The following PTPRM variants were observed in gnomAD, a reference collection of about 807,000 sequenced individuals.
PTPRM encodes the protein protein tyrosine phosphatase receptor type M.
A neutral mutation model predicts 186.7 loss-of-function variants in PTPRM; 47 were observed. The observed-to-expected ratio is 0.25, with a 90% CI of 0.20 to 0.32. The LOEUF is 0.32. PTPRM is among the 10% of genes least tolerant of loss of function. The probability of loss-of-function intolerance (pLI) is 1.00; values close to 1 mark genes in which losing one functional copy is unlikely to be tolerated. For synonymous variants in PTPRM, 668 were observed against 674.9 expected (o/e 0.99, Z 0.16); for missense variants, 1,494 against 1,865.0 (o/e 0.80, Z 3.66).
chr18:8,087,580 T>C (rs2090495483), intron 10 of PTPRM, among the ~76,000 whole-genome samples: 1 of 152,132 alleles, frequency 6.6e-6, no homozygotes, highest in Non-Finnish European at 1.5e-5. Flanking sequence ...AAGTATTTGA[T>C]TTTTATAGTC....
intron 7 of PTPRM, among the ~76,000 whole-genome samples, chr18:7,969,507 A>T (rs1257123552): frequency 6.7e-6 from 1 of 149,520 alleles, no homozygotes; most frequent in Non-Finnish European, 1.5e-5. Context: ...CAAAAAATCA[A>T]TGAATCCAGG....
At chr18:8,323,756 G>T (rs566289448) in intron 22 of PTPRM, among the ~76,000 whole-genome samples, 9 of 152,110 alleles carry the variant, frequency 5.9e-5, no homozygotes, top group Admixed American at 2.6e-4. Flanking sequence ...CCATGCCCAC[G>T]TGAGAACAGG....
At chr18:7,835,257 C>T (rs1178655583) in intron 2 of PTPRM, among the ~76,000 whole-genome samples, 1 of 147,658 alleles carries the variant, frequency 6.8e-6, no homozygotes, top group East Asian at 2.0e-4. Context: ...TTTGCTGTAT[C>T]CCATAGGTTT....
intron 21 of PTPRM, among the ~76,000 whole-genome samples, chr18:8,317,736 C>T (rs115001257): frequency 0.013 from 1,927 of 152,188 alleles, 42 homozygotes; most frequent in African/African-American, 0.045. Context: ...CTCATGCTGC[C>T]GATGGCCAAG....
chr18:8,375,982 C>T, intron 24 of PTPRM, 64 bp from the exon 25 acceptor site: 1 of 1,514,194 alleles, frequency 6.6e-7, no homozygotes. Context: ...CCCAGCTATC[C>T]CTGCTTATTT....
chr18:8,359,190 T>A (rs2017965), intron 23 of PTPRM, among the ~76,000 whole-genome samples: 1 of 152,180 alleles, frequency 6.6e-6, no homozygotes, highest in Non-Finnish European at 1.5e-5. Flanking sequence ...ATAAGTCATC[T>A]GACACTTTTG....
intron 1 of PTPRM, among the ~76,000 whole-genome samples, chr18:7,584,164 A>G (rs1489467663): frequency 6.6e-6 from 1 of 152,212 alleles, no homozygotes; most frequent in African/African-American, 2.4e-5. Flanking sequence ...TGCATTAACA[A>G]AAGTAGAATA....
In PTPRM at chr18:7,719,028, C is replaced by T. The variant is rs552076191; in HGVS notation, c.74-55121C>T. On this transcript the variant is annotated intron_variant, in intron 1 of 32. Transcript: ENST00000580170. ...CTAAAAGTAGATCTACCATTTGATC[C>T]GGCAATCCCACTACTGGGTATTTAC... 4.5e-4 allele frequency among the ~76,000 whole-genome samples: 68 copies of T among 152,208 alleles called. No individual in the cohort carries two copies. In the South Asian group the frequency reaches 5.6e-3, roughly 13 times the overall value.
At chr18:8,084,189 G>A (rs1371481339) in intron 9 of PTPRM, among the ~76,000 whole-genome samples, 1 of 152,180 alleles carries the variant, frequency 6.6e-6, no homozygotes, top group Non-Finnish European at 1.5e-5. Context: ...TGGCACATGA[G>A]AGGGGCTCAA....
chr18:7,839,570 A>G (rs74414161), intron 2 of PTPRM, among the ~76,000 whole-genome samples: 1 of 152,228 alleles, frequency 6.6e-6, no homozygotes, highest in Non-Finnish European at 1.5e-5. Flanking sequence ...TAGATGTAAG[A>G]TAAAGTCCTC....
chr18:8,214,106 G>A (rs1309215632), intron 14 of PTPRM, among the ~76,000 whole-genome samples: 2 of 152,106 alleles, frequency 1.3e-5, no homozygotes, highest in Non-Finnish European at 2.9e-5. Flanking sequence ...TTGGAGACTC[G>A]GAGGGGGGCA....
intron 24 of PTPRM, among the ~76,000 whole-genome samples, chr18:8,375,738 C>T (rs1463192832): frequency 6.6e-6 from 1 of 152,236 alleles, no homozygotes; most frequent in Admixed American, 6.5e-5. Context: ...AAACCTTTAA[C>T]ATAGTCTACT....
intron 14 of PTPRM, among the ~76,000 whole-genome samples, chr18:8,166,499 A>T (rs2093326353): frequency 6.6e-6 from 1 of 152,222 alleles, no homozygotes; most frequent in Non-Finnish European, 1.5e-5. Flanking sequence ...AGAGATAATA[A>T]TGACCAAATG....
At chr18:8,056,541 G>C (rs2087957322) in intron 7 of PTPRM, among the ~76,000 whole-genome samples, 1 of 151,924 alleles carries the variant, frequency 6.6e-6, no homozygotes, top group Non-Finnish European at 1.5e-5. Context: ...AGAATTGCTT[G>C]AAACCAGAAG....
rs565750186 is a variant in PTPRM, at chr18:8,262,288, T to C, written c.2754+8874T>C. Among the ~76,000 whole-genome samples the C allele has an allele frequency of 2.6e-5, 4 of 152,338 alleles. No individual in the cohort carries two copies. The South Asian group carries it at 8.3e-4, about 32-fold the overall frequency. The stretch of plus-strand genomic sequence containing the variant: ...TCCCCTTCAAATCTGTTCCAGACTC[T>C]GCAACCAGTTTTCTTTGTAAGACAT... On this transcript the variant is annotated intron_variant, in intron 19 of 32. Coordinates refer to ENST00000580170, the MANE Select transcript of PTPRM (RefSeq NM_001105244.2).
At chr18:8,142,035 A>G (rs1247972627) in intron 13 of PTPRM, among the ~76,000 whole-genome samples, 4 of 152,204 alleles carry the variant, frequency 2.6e-5, no homozygotes, top group Admixed American at 6.5e-5. Flanking sequence ...ATATGTTCCA[A>G]TAGAATATTG....
chr18:8,379,007 G>A (rs2095713880), intron 27 of PTPRM, among the ~76,000 whole-genome samples, 160 bp from the exon 28 acceptor site: 1 of 151,686 alleles, frequency 6.6e-6, no homozygotes, highest in Admixed American at 6.6e-5. Flanking sequence ...AATCCAAGGA[G>A]CAAAAGAAAG....
At chr18:8,105,508 A>G (rs568466687) in intron 11 of PTPRM, among the ~76,000 whole-genome samples, 1 of 152,378 alleles carries the variant, frequency 6.6e-6, no homozygotes, top group African/African-American at 2.4e-5. Flanking sequence ...TTGAGCTTTT[A>G]TACAATGAAA....
intron 4 of PTPRM, among the ~76,000 whole-genome samples, chr18:7,912,579 T>G (rs543540993): frequency 6.6e-6 from 1 of 152,282 alleles, no homozygotes; most frequent in South Asian, 2.1e-4. Context: ...TGGCACTATC[T>G]CGGCTCACTG....
Sources: allele counts gnomAD v4.1 joint callset (sites outside exome capture counted in the v4.1 genomes callset), GRCh38; gene constraint gnomAD v4.1.1; transcripts MANE v1.5; gene names NCBI Gene and HGNC (gene_info 2026-07-23, HGNC 2026-07-21).